Variants in CCDC85A observed in about 807,000 individuals in gnomAD.
CCDC85A encodes the protein coiled-coil domain containing 85A, also known as coiled-coil domain-containing protein 85A.
Under a neutral mutation model 50.2 loss-of-function variants are expected in CCDC85A, and 38 were observed. That is an observed-to-expected ratio of 0.76 (90% confidence interval 0.58 to 0.99). CCDC85A has a LOEUF of 0.99. Among genes scored for constraint, CCDC85A ranks in the 50% least tolerant of loss-of-function variants. The pLI, the probability that CCDC85A is intolerant of heterozygous loss-of-function variation, is 0.00. For missense variants in CCDC85A, 820 were observed against 742.0 expected (o/e 1.11, Z -1.22); for synonymous variants, 366 against 301.4 (o/e 1.21, Z -2.22).
intron 2 of CCDC85A, among the ~76,000 whole-genome samples, chr2:56,331,755 G>T (rs1186574712): frequency 6.6e-6 from 1 of 152,124 alleles, no homozygotes; most frequent in East Asian, 1.9e-4. Flanking sequence ...CACTTGCATG[G>T]CAGTAAAAGA....
intron 2 of CCDC85A, among the ~76,000 whole-genome samples, chr2:56,319,452 A>T (rs1055537977): frequency 2.0e-5 from 3 of 152,122 alleles, no homozygotes; most frequent in Non-Finnish European, 4.4e-5. Context: ...GGTAACTCTT[A>T]AGCACCAGAA....
chr2:56,274,647 G>T (rs981956529), intron 2 of CCDC85A, among the ~76,000 whole-genome samples: 1 of 152,164 alleles, frequency 6.6e-6, no homozygotes, highest in African/African-American at 2.4e-5. Flanking sequence ...GCAGCATCTA[G>T]AGTAGTGTTT....
At chr2:56,323,332 T>G (rs546400795) in intron 2 of CCDC85A, among the ~76,000 whole-genome samples, 81 of 152,046 alleles carry the variant, frequency 5.3e-4, no homozygotes, top group South Asian at 8.3e-4. Context: ...AGATATTGAA[T>G]AGCAAGACAG....
In CCDC85A at chr2:56,335,644, C is replaced by G. The variant is rs1476906682; in HGVS notation, c.1241-7235C>G. ...TGAGAAGTAGTCTTGCCCTGTCACT[C>G]AGGCTGGAGTGCAGTGGCACAATCT... On this transcript the variant is annotated intron_variant, in intron 2 of 5. Transcript: ENST00000407595. Among the ~76,000 whole-genome samples, 3 of 151,104 alleles carry G rather than the reference C, an allele frequency of 2.0e-5. No homozygotes were observed. In the South Asian group the frequency reaches 6.3e-4, roughly 31 times the overall value.
At chr2:56,254,274 G>C (rs900394454) in intron 2 of CCDC85A, among the ~76,000 whole-genome samples, 4 of 152,060 alleles carry the variant, frequency 2.6e-5, no homozygotes, top group African/African-American at 9.7e-5. Context: ...CATTCTCGGA[G>C]GGTTCCCAGC....
chr2:56,316,830 C>T (rs1402472172), intron 2 of CCDC85A, among the ~76,000 whole-genome samples: 1 of 152,088 alleles, frequency 6.6e-6, no homozygotes, highest in African/African-American at 2.4e-5. Context: ...GGCAAAATGT[C>T]ACTTTTTTAT....
At chr2:56,197,976 G>T (rs72917049) in intron 2 of CCDC85A, among the ~76,000 whole-genome samples, 4,864 of 152,206 alleles carry the variant, frequency 0.032, 253 homozygotes, top group African/African-American at 0.11. Context: ...CTGCACTGCC[G>T]GCAATGCTAA....
chr2:56,322,821 G>A (rs1367067623), intron 2 of CCDC85A, among the ~76,000 whole-genome samples: 1 of 152,110 alleles, frequency 6.6e-6, no homozygotes, highest in Non-Finnish European at 1.5e-5. Flanking sequence ...TATAAATCAT[G>A]CTGCTATAAA....
chr2:56,334,237 A>G (rs947558989), intron 2 of CCDC85A, among the ~76,000 whole-genome samples: 3 of 152,218 alleles, frequency 2.0e-5, no homozygotes, highest in African/African-American at 7.2e-5. Context: ...ATAAACACCC[A>G]GATCTTATCA....
intron 3 of CCDC85A, among the ~76,000 whole-genome samples, chr2:56,348,539 T>C (rs1161481585): frequency 6.6e-6 from 1 of 152,198 alleles, no homozygotes; most frequent in African/African-American, 2.4e-5. Flanking sequence ...GGCCTTGCAA[T>C]GCAGTCTTTC....
At chr2:56,189,403 T>C (rs1209869257) in intron 1 of CCDC85A, among the ~76,000 whole-genome samples, 1 of 150,240 alleles carries the variant, frequency 6.7e-6, no homozygotes, top group Non-Finnish European at 1.5e-5. Context: ...GCAATTCTCC[T>C]GCCTCAGGTT....
rs185775640 is a variant in CCDC85A at position 56,293,201 on chromosome 2, G to A, written c.1241-49678G>A. On this transcript the variant is annotated intron_variant, in intron 2 of 5. Coordinates refer to ENST00000407595, the MANE Select transcript of CCDC85A (RefSeq NM_001080433.2). ...ACTTGTTACAACATTCTAGGCTGGAGGATTCCATGTGGAGAAAAGCCAAAG... is the reference window on the plus strand; with the variant it reads ...ACTTGTTACAACATTCTAGGCTGGAAGATTCCATGTGGAGAAAAGCCAAAG... Among the ~76,000 whole-genome samples the A allele has an allele frequency of 2.8e-3, 421 of 152,306 alleles. 4 individuals are homozygous for A. The highest frequency in any genetic ancestry group is 9.8e-3 in the African/African-American group (408 of 41,582).
At chr2:56,290,913 T>C (rs1227431749) in intron 2 of CCDC85A, among the ~76,000 whole-genome samples, 2 of 152,206 alleles carry the variant, frequency 1.3e-5, no homozygotes, top group Non-Finnish European at 2.9e-5. Flanking sequence ...TGTAATTCTT[T>C]TGGTGTCTTT....
chr2:56,196,884 C>CAA (rs11301097), intron 2 of CCDC85A, among the ~76,000 whole-genome samples: 2 of 131,168 alleles, frequency 1.5e-5, no homozygotes, highest in African/African-American at 5.7e-5. Flanking sequence ...TCTTCGTCTT[C>CAA]AAAAAAAAAA....
intron 2 of CCDC85A, among the ~76,000 whole-genome samples, chr2:56,311,844 C>T (rs933806713): frequency 6.6e-6 from 1 of 152,072 alleles, no homozygotes; most frequent in Non-Finnish European, 1.5e-5. Context: ...TATTTCTGCT[C>T]CTCAAAGGGT....
At chr2:56,368,074 C>T (rs182342579) in intron 3 of CCDC85A, among the ~76,000 whole-genome samples, 54 of 152,080 alleles carry the variant, frequency 3.6e-4, no homozygotes, top group African/African-American at 1.1e-3. Context: ...AACAAAAATT[C>T]GTTGGAATAG....
intron 2 of CCDC85A, among the ~76,000 whole-genome samples, chr2:56,222,501 C>G (rs942608870): frequency 3.3e-5 from 5 of 152,070 alleles, no homozygotes; most frequent in Admixed American, 1.3e-4. Flanking sequence ...CTGTTAGACC[C>G]ACTGGGCTGG....
chr2:56,364,754 A>G (rs977669698), intron 3 of CCDC85A, among the ~76,000 whole-genome samples: 2 of 152,230 alleles, frequency 1.3e-5, no homozygotes, highest in African/African-American at 4.8e-5. Flanking sequence ...CTACATTCAA[A>G]TAGACATTAA....
intron 3 of CCDC85A, among the ~76,000 whole-genome samples, chr2:56,352,392 C>A (rs1674997109): frequency 6.6e-6 from 1 of 152,120 alleles, no homozygotes; most frequent in South Asian, 2.1e-4. Flanking sequence ...GCTCTACAGG[C>A]TGGAGTGTAG....
Sources: gnomAD v4.1 joint callset for allele counts (sites outside exome capture counted in the v4.1 genomes callset) on GRCh38, gnomAD v4.1.1 for gene constraint, MANE v1.5 for transcripts, NCBI Gene and HGNC (gene_info 2026-07-23, HGNC 2026-07-21) for gene names.